The following DLG2 variants were observed in gnomAD, a reference collection of about 807,000 sequenced individuals.
DLG2 encodes disks large homolog 2.
In DLG2, 45 loss-of-function variants were observed where a neutral mutation model predicts 132.5. The observed-to-expected ratio is 0.34, with a 90% CI of 0.27 to 0.44. The LOEUF is 0.44. Among genes scored for constraint, DLG2 ranks in the 20% least tolerant of loss-of-function variants. The pLI is 1.00. For missense variants in DLG2, 1,045 were observed against 1,196.9 expected (o/e 0.87, Z 1.87); for synonymous variants, 424 against 419.6 (o/e 1.01, Z -0.13).
chr11:84,384,657 T>G (rs945947308), intron 7 of DLG2, among the ~76,000 whole-genome samples: 14 of 152,002 alleles, frequency 9.2e-5, no homozygotes, highest in African/African-American at 3.4e-4. Context: ...ACATGATAAC[T>G]ATATTAAATA....
At chr11:85,133,313 C>G (rs1367423915) in intron 5 of DLG2, among the ~76,000 whole-genome samples, 1 of 151,656 alleles carries the variant, frequency 6.6e-6, no homozygotes, top group East Asian at 1.9e-4. Context: ...AAATGGCTGT[C>G]GTTCCAGTGC....
At chr11:84,000,610 G>C (rs2154042246) in intron 11 of DLG2, among the ~76,000 whole-genome samples, 1 of 151,996 alleles carries the variant, frequency 6.6e-6, no homozygotes, top group East Asian at 1.9e-4. Flanking sequence ...AATTCAAAAA[G>C]CATCAAAAGT....
intron 6 of DLG2, among the ~76,000 whole-genome samples, chr11:84,756,821 G>C (rs1597412203): frequency 6.6e-6 from 1 of 152,042 alleles, no homozygotes; most frequent in Non-Finnish European, 1.5e-5. Context: ...TGTGGCCCAA[G>C]ACATTTCTTC....
intron 6 of DLG2, among the ~76,000 whole-genome samples, chr11:84,979,605 A>C (rs2055431713): frequency 1.3e-5 from 2 of 151,512 alleles, no homozygotes; most frequent in East Asian, 3.9e-4. Flanking sequence ...GAACTGAACA[A>C]TGAGAACACT....
At chr11:83,459,978 G>T in intron 27 of DLG2, 54 bp from the exon 28 acceptor site, 1 of 1,031,266 alleles carries the variant, frequency 9.7e-7, no homozygotes. Flanking sequence ...GGATGGTGAA[G>T]AACAATCATC....
Position 85,425,825 on chromosome 11 carries a change from G to A in DLG2, c.41-140460C>T, listed in dbSNP as rs567524217. Among the ~76,000 whole-genome samples the A allele has an allele frequency of 2.4e-4, 36 of 152,262 alleles. 1 individual carries two copies. Among genetic ancestry groups the A allele is most frequent in the Middle Eastern group, 6.8e-3 (2 of 294 alleles). On this transcript the variant is annotated intron_variant, in intron 3 of 27. Coordinates refer to ENST00000376104, the MANE Select transcript of DLG2 (RefSeq NM_001142699.3). Reference sequence around the variant, plus strand: ...GGGTGCAGCACACCAAGCAAGAGCCGAAGCAGGGCAAGGCATCGCCTCACC... The same window carrying A: ...GGGTGCAGCACACCAAGCAAGAGCCAAAGCAGGGCAAGGCATCGCCTCACC...
At chr11:85,577,648 C>T (rs778693185) in intron 3 of DLG2, among the ~76,000 whole-genome samples, 1 of 151,820 alleles carries the variant, frequency 6.6e-6, no homozygotes, top group Non-Finnish European at 1.5e-5. Context: ...AGTCATAAGC[C>T]AATAGATATT....
chr11:84,265,736 G>A (rs2097617528), intron 7 of DLG2, among the ~76,000 whole-genome samples: 1 of 152,222 alleles, frequency 6.6e-6, no homozygotes, highest in South Asian at 2.1e-4. Context: ...AGCAGCAGCA[G>A]CAAGAGTAAA....
intron 6 of DLG2, among the ~76,000 whole-genome samples, chr11:84,733,202 T>C (rs941102995): frequency 2.6e-5 from 4 of 152,320 alleles, no homozygotes; most frequent in African/African-American, 7.2e-5. Context: ...TCTAGATCCC[T>C]GAGGAATCGA....
chr11:84,871,069 T>C (rs1436677485), intron 6 of DLG2, among the ~76,000 whole-genome samples: 1 of 152,220 alleles, frequency 6.6e-6, no homozygotes, highest in Non-Finnish European at 1.5e-5. Flanking sequence ...CTGGGACATG[T>C]TCTGTTTCAG....
rs536992999 is a variant in DLG2, at chr11:85,212,993, C to A, written c.187-58342G>T. Among the ~76,000 whole-genome samples the A allele has an allele frequency of 1.7e-4, 26 of 152,162 alleles. No homozygotes were observed. The South Asian group carries it at 5.4e-3, about 32-fold the overall frequency. On this transcript the variant is annotated intron_variant, in intron 4 of 27. Coordinates refer to ENST00000376104, the MANE Select transcript of DLG2 (RefSeq NM_001142699.3). ...GGCTTTGCTGTAATTATGGAGAATA[C>A]ATATCTGATTTAACTCCCTTATTTC...
chr11:84,496,339 T>C (rs1242157736), intron 7 of DLG2, among the ~76,000 whole-genome samples: 4 of 152,152 alleles, frequency 2.6e-5, no homozygotes, highest in Admixed American at 6.6e-5. Flanking sequence ...GTGAGCTCTG[T>C]GTGTTTTCAG....
chr11:85,172,656 A>C (rs977540304), intron 4 of DLG2, among the ~76,000 whole-genome samples: 1 of 152,226 alleles, frequency 6.6e-6, no homozygotes, highest in Admixed American at 6.5e-5. Context: ...AGAGTGGTTA[A>C]TAATGAATAA....
intron 6 of DLG2, among the ~76,000 whole-genome samples, chr11:84,952,073 A>G (rs1423741771): frequency 1.3e-5 from 2 of 152,220 alleles, no homozygotes; most frequent in African/African-American, 4.8e-5. Flanking sequence ...CTAATAAACA[A>G]TGTAACAATT....
At chr11:85,550,297 G>T (rs1349506836) in intron 3 of DLG2, among the ~76,000 whole-genome samples, 1 of 152,242 alleles carries the variant, frequency 6.6e-6, no homozygotes, top group Non-Finnish European at 1.5e-5. Context: ...AGCCATAGTG[G>T]ATGGCAGAGC....
intron 3 of DLG2, among the ~76,000 whole-genome samples, chr11:85,541,729 G>T (rs1233034033): frequency 6.6e-6 from 1 of 151,856 alleles, no homozygotes; most frequent in Admixed American, 6.6e-5. Context: ...CTAATTAAAA[G>T]AAAAAAACAC....
At chr11:84,728,392 T>C (rs2062752402) in intron 6 of DLG2, among the ~76,000 whole-genome samples, 1 of 152,168 alleles carries the variant, frequency 6.6e-6, no homozygotes, top group South Asian at 2.1e-4. Flanking sequence ...TGGATTATGT[T>C]TATTGAAAGG....
chr11:84,207,184 C>A (rs1120612), intron 8 of DLG2, among the ~76,000 whole-genome samples: 2 of 151,546 alleles, frequency 1.3e-5, no homozygotes, highest in African/African-American at 4.9e-5. Context: ...CGCTTATGGG[C>A]TGGAAGACTC....
At chr11:85,566,689 T>C (rs2077546034) in intron 3 of DLG2, among the ~76,000 whole-genome samples, 2 of 152,236 alleles carry the variant, frequency 1.3e-5, no homozygotes, top group Middle Eastern at 3.4e-3. Flanking sequence ...CACGTCCTAA[T>C]ACCATCACTT....
Sources: allele counts gnomAD v4.1 joint callset (sites outside exome capture counted in the v4.1 genomes callset), GRCh38; gene constraint gnomAD v4.1.1; transcripts MANE v1.5; gene names NCBI Gene and HGNC (gene_info 2026-07-23, HGNC 2026-07-21).